ADAMTS9: variants seen among roughly 807,000 people sequenced by gnomAD.
The protein encoded by ADAMTS9 is ADAM metallopeptidase with thrombospondin type 1 motif 9, also known as A disintegrin and metalloproteinase with thrombospondin motifs 9.
ADAMTS9 carries 107 observed loss-of-function variants against 257.1 expected under a neutral mutation model. The ratio of observed to expected loss-of-function variants is 0.42; its 90% CI spans 0.36 to 0.49. The LOEUF (loss-of-function observed/expected upper bound fraction) is 0.49. Ranked by LOEUF, ADAMTS9 falls within the 20% of genes least tolerant of loss-of-function variation. The pLI, the probability that ADAMTS9 is intolerant of heterozygous loss-of-function variation, is 0.03. For missense variants in ADAMTS9, 2,353 were observed against 2,469.1 expected (o/e 0.95, Z 1.00); for synonymous variants, 982 against 880.9 (o/e 1.11, Z -2.03).
In ADAMTS9 at chr3:64,622,558, C is replaced by G; in HGVS notation, c.2418G>C (p.Leu806Phe). ...TTGTGACAACAAAGTTTCCATTTAG[C>G]AAGAATTCACCTTTACTGCTTGATA... ...LALSSSKGEF[L>F]LNGNFVVTMA... The change falls in exon 17 of 40, where the codon TTG becomes TTC. Residue 806 changes from leucine (L) to phenylalanine (F), a missense_variant. This residue lies in a region of ADAMTS9 where 360 missense variants were observed against 458.1 expected (regional missense o/e 0.79). Transcript: ENST00000498707. The G allele has an allele frequency of 2.5e-6, 4 of 1,614,024 alleles. No homozygotes were observed. Among genetic ancestry groups the G allele is most frequent in the Non-Finnish European group, 2.5e-6 (3 of 1,179,970 alleles).
chr3:64,667,598 ACC>A (rs1002224947), intron 3 of ADAMTS9, among the ~76,000 whole-genome samples: 1 of 152,106 alleles, frequency 6.6e-6, no homozygotes, highest in African/African-American at 2.4e-5. Flanking sequence ...GCCTCCAGCT[ACC>A]TGGGGAGTTA....
At position 64,517,023 on chromosome 3, in the gene ADAMTS9, C is replaced by T. The variant is rs1008045653; in HGVS notation, c.*104G>A. 1.3e-5 allele frequency: 2 copies of T among 152,446 alleles called. No homozygotes were observed. Among genetic ancestry groups the T allele is most frequent in the Admixed American group, 1.3e-4 (2 of 15,262 alleles). 9.4% of individuals were successfully genotyped at this position (152,446 alleles called of 1,614,324 possible). A position where few individuals can be genotyped will look rare whatever the true frequency, so the allele number is the denominator to read the frequency against. On this transcript the variant is annotated 3_prime_UTR_variant, in exon 40 of 40. Transcript: ENST00000498707. ...TTTACACACACAAGCATACAAGTCA[C>T]ACACAAACACACACACACATACACA...
At chr3:64,596,032 A>T (rs2084358372) in intron 27 of ADAMTS9, among the ~76,000 whole-genome samples, 1 of 152,292 alleles carries the variant, frequency 6.6e-6, no homozygotes, top group Non-Finnish European at 1.5e-5. Context: ...ATTATTCTTA[A>T]CATTAATTAT....
intron 16 of ADAMTS9, among the ~76,000 whole-genome samples, chr3:64,628,497 C>T (rs1240130414): frequency 2.0e-5 from 3 of 152,204 alleles, no homozygotes; most frequent in Non-Finnish European, 4.4e-5. Context: ...AAGGACACTG[C>T]AGCCACATGC....
chr3:64,681,725 G>A (rs982535804), intron 2 of ADAMTS9, among the ~76,000 whole-genome samples: 10 of 152,084 alleles, frequency 6.6e-5, no homozygotes, highest in African/African-American at 2.4e-4. Context: ...TTTACTTTTT[G>A]TAGAGATGGG....
chr3:64,686,932 A>C lies in ADAMTS9; in HGVS notation c.152T>G (p.Val51Gly). 6.2e-7 allele frequency: 1 copy of C among 1,614,210 alleles called. No homozygotes were observed. The highest frequency in any genetic ancestry group is 1.3e-5 in the African/African-American group (1 of 75,058). Residue 51 changes from valine to glycine, a missense_variant, in exon 2 of 40, where the codon GTG (valine) becomes GGG (glycine). Val to Gly is a moderately radical substitution (Grantham distance 109). This residue lies in a region of ADAMTS9 where 591 missense variants were observed against 569.6 expected (regional missense o/e 1.04). Transcript: ENST00000498707. This position sits in a 1 kb window ranked among gnomAD's most constrained non-coding sequence, Gnocchi z 4.6. Reference sequence around the variant, plus strand: ...GAGAGCGTTCACTCGGATGGGAGACACGATTTCGTATTCGCTCAGGGTCTC... The same window carrying C: ...GAGAGCGTTCACTCGGATGGGAGACCCGATTTCGTATTCGCTCAGGGTCTC... ...LLETLSEYEI[V>G]SPIRVNALGE...
At chr3:64,518,213 A>G (rs75932843) in intron 39 of ADAMTS9, among the ~76,000 whole-genome samples, 2 of 152,322 alleles carry the variant, frequency 1.3e-5, no homozygotes, top group African/African-American at 4.8e-5. Context: ...TTCTGGATCT[A>G]GCCATGCCTG....
chr3:64,615,808 T>A, intron 20 of ADAMTS9, 152 bp downstream of exon 20: 3 of 923,760 alleles, frequency 3.2e-6, no homozygotes, highest in South Asian at 3.2e-5. Context: ...CATGCTACTC[T>A]ATTCTGGAAA....
Position 64,546,878 on chromosome 3 carries a change from A to G in ADAMTS9, c.4944T>C (p.Asn1648=). 5.0e-6 allele frequency: 8 copies of G among 1,614,076 alleles called. No homozygotes were observed. The highest frequency in any genetic ancestry group is 6.8e-6 in the Non-Finnish European group (8 of 1,179,986). The change falls in exon 32 of 40, where the codon AAT becomes AAC. Residue 1648 remains asparagine, a synonymous_variant. Coordinates refer to ENST00000498707, the MANE Select transcript of ADAMTS9 (RefSeq NM_182920.2). Reference sequence around the variant, plus strand: ...TGGTGGTTTGGTAGCTGTATTCATAATTCTCCTTCCCGGTGTAAATCTCGC... The same window carrying G: ...TGGTGGTTTGGTAGCTGTATTCATAGTTCTCCTTCCCGGTGTAAATCTCGC... ...SCSEIYTGKE[N]YEYSYQTTIN...
At chr3:64,551,283 C>T (rs2083268301) in intron 30 of ADAMTS9, among the ~76,000 whole-genome samples, 1 of 152,138 alleles carries the variant, frequency 6.6e-6, no homozygotes, top group Admixed American at 6.5e-5. Flanking sequence ...GATCTTGGCT[C>T]ACTGCAAGCT....
intron 3 of ADAMTS9, among the ~76,000 whole-genome samples, chr3:64,673,062 A>G (rs549436937): frequency 6.6e-6 from 1 of 152,270 alleles, no homozygotes; most frequent in African/African-American, 2.4e-5. Flanking sequence ...ACAATAGGCT[A>G]TGTACCACGT....
intron 37 of ADAMTS9, among the ~76,000 whole-genome samples, chr3:64,534,744 A>G (rs1308542188): frequency 1.4e-5 from 2 of 147,802 alleles, no homozygotes; most frequent in Non-Finnish European, 3.0e-5. Context: ...AAATCTGGCA[A>G]TGTCTGGAAA....
At chr3:64,681,413 G>A in intron 2 of ADAMTS9, 50 bp from the exon 3 acceptor site, 2 of 1,544,512 alleles carry the variant, frequency 1.3e-6, no homozygotes, top group African/African-American at 1.4e-5. Context: ...TCAGTCATTG[G>A]GAGGAAAAAA....
chr3:64,551,656 CA>C (rs1442287824), intron 30 of ADAMTS9, among the ~76,000 whole-genome samples: 1 of 152,202 alleles, frequency 6.6e-6, no homozygotes, highest in African/African-American at 2.4e-5. Context: ...CACCTACTCA[CA>C]AGTGACTTGA....
At chr3:64,539,172 C>G (rs2083089549) in intron 37 of ADAMTS9, 31 bp downstream of exon 37, 1 of 1,578,670 alleles carries the variant, frequency 6.3e-7, no homozygotes, top group African/African-American at 1.3e-5. Context: ...GAGGTGAATC[C>G]CTGGCAAGGG....
At chr3:64,550,758 C>T in intron 31 of ADAMTS9, 134 bp downstream of exon 31, 1 of 1,086,934 alleles carries the variant, frequency 9.2e-7, no homozygotes, top group Non-Finnish European at 1.3e-6. Context: ...TGTCAGAAAA[C>T]ACACAGTTCA....
chr3:64,564,661 T>C (rs1039842516), intron 29 of ADAMTS9, among the ~76,000 whole-genome samples: 13 of 152,028 alleles, frequency 8.6e-5, no homozygotes, highest in Admixed American at 8.5e-4. Context: ...TTTAGCAGCA[T>C]ACCTGGTTTG....
intron 30 of ADAMTS9, among the ~76,000 whole-genome samples, chr3:64,554,609 C>A (rs890880271): frequency 1.3e-5 from 2 of 152,106 alleles, no homozygotes; most frequent in Non-Finnish European, 2.9e-5. Flanking sequence ...TTTTAATTTC[C>A]AAAAGGTTTT....
In ADAMTS9 at chr3:64,516,970, G is replaced by T. The variant is rs906558814; in HGVS notation, c.*157C>A. On this transcript the variant is annotated 3_prime_UTR_variant, in exon 40 of 40. Coordinates refer to ENST00000498707, the MANE Select transcript of ADAMTS9 (RefSeq NM_182920.2). ...ATATATGTGTATATATGTATGTGTAGATATGTATATATGTATATGTACACA... is the reference window on the plus strand; with the variant it reads ...ATATATGTGTATATATGTATGTGTATATATGTATATATGTATATGTACACA... 4 of 152,370 alleles carry T rather than the reference G, an allele frequency of 2.6e-5. No homozygotes were observed. Among genetic ancestry groups the T allele is most frequent in the African/African-American group, 9.7e-5 (4 of 41,398 alleles). 9.4% of individuals were successfully genotyped at this position (152,370 alleles called of 1,614,324 possible). A position where few individuals can be genotyped will look rare whatever the true frequency, so the allele number is the denominator to read the frequency against.
Sources: allele counts gnomAD v4.1 joint callset (sites outside exome capture counted in the v4.1 genomes callset), GRCh38; gene constraint gnomAD v4.1.1; regional missense constraint gnomAD v4.1.1; non-coding constraint Gnocchi (gnomAD v3.1); transcripts MANE v1.5; gene names NCBI Gene and HGNC (gene_info 2026-07-23, HGNC 2026-07-21).